Variants in SBF2 observed in about 807,000 individuals in gnomAD.
SBF2 encodes myotubularin-related protein 13.
SBF2 carries 112 observed loss-of-function variants against 225.2 expected under a neutral mutation model. That is an observed-to-expected ratio of 0.50 (90% CI 0.43 to 0.58). SBF2 has a LOEUF of 0.58. Ranked by LOEUF, SBF2 falls within the 20% of genes least tolerant of loss-of-function variation. SBF2 has a pLI of 0.00. For missense variants in SBF2, 1,996 were observed against 2,206.2 expected (o/e 0.90, Z 1.91); for synonymous variants, 763 against 773.3 (o/e 0.99, Z 0.22).
intron 1 of SBF2, among the ~76,000 whole-genome samples, chr11:10,239,496 A>C (rs926076963): frequency 3.3e-5 from 5 of 150,740 alleles, no homozygotes; most frequent in African/African-American, 1.2e-4. Context: ...TTTGGTGCCT[A>C]ATACTCTACT....
At chr11:9,847,518 C>CCA (rs1856634446) in intron 22 of SBF2, among the ~76,000 whole-genome samples, 1 of 137,356 alleles carries the variant, frequency 7.3e-6, no homozygotes, top group Non-Finnish European at 1.6e-5. Flanking sequence ...GGAGGTTTTA[C>CCA]AAAAAAAAAA....
intron 24 of SBF2, among the ~76,000 whole-genome samples, chr11:9,843,372 G>A (rs551776152): frequency 6.6e-6 from 1 of 152,184 alleles, no homozygotes; most frequent in Admixed American, 6.5e-5. Flanking sequence ...AGAAAAATAA[G>A]AAATCAGAAA....
chr11:9,842,324 T>C (rs1383426124), intron 25 of SBF2, among the ~76,000 whole-genome samples: 1 of 152,248 alleles, frequency 6.6e-6, no homozygotes. Context: ...AGGGGACTAC[T>C]CTATACCTAA....
At chr11:9,883,065 C>T (rs1346767348) in intron 17 of SBF2, among the ~76,000 whole-genome samples, 5 of 151,788 alleles carry the variant, frequency 3.3e-5, no homozygotes, top group Non-Finnish European at 5.9e-5. Context: ...ACTCAGGAAG[C>T]GGAGGTTGCA....
chr11:9,785,358 CACTT>C lies in SBF2; in HGVS notation c.5038-44_5038-41del. On this transcript the variant is annotated intron_variant, in intron 36 of 39. Coordinates refer to ENST00000256190, the MANE Select transcript of SBF2 (RefSeq NM_030962.4). ...ACAGGAGCTAGGAAACCTTTACAGA[CACTT>C]AAACTACTGACTGGAAAATTTCATT... The C allele has an allele frequency of 3.3e-6, 5 of 1,512,188 alleles. No individual in the cohort carries two copies. The Admixed American group carries it at 5.4e-5, about 16-fold the overall frequency. The allele number at this position is 1,512,188 out of a possible 1,614,324, so 93.7% of individuals were successfully genotyped here. A position where few individuals can be genotyped will look rare whatever the true frequency, so the allele number is the denominator to read the frequency against.
At chr11:10,037,498 C>G (rs1949486086) in intron 3 of SBF2, among the ~76,000 whole-genome samples, 1 of 151,998 alleles carries the variant, frequency 6.6e-6, no homozygotes, top group South Asian at 2.1e-4. Flanking sequence ...GGACTAAACC[C>G]TTCTTGAAGG....
intron 1 of SBF2, among the ~76,000 whole-genome samples, chr11:10,282,326 G>A (rs1396444549): frequency 6.6e-6 from 1 of 151,990 alleles, no homozygotes; most frequent in Non-Finnish European, 1.5e-5. Context: ...ACAATTCTGA[G>A]GCCACTCTTT....
intron 17 of SBF2, among the ~76,000 whole-genome samples, chr11:9,873,144 T>C (rs902627113): frequency 7.2e-6 from 1 of 138,550 alleles, no homozygotes; most frequent in African/African-American, 2.7e-5. Flanking sequence ...AGGTGCAGGT[T>C]GCAGTGAGCC....
chr11:10,113,221 T>C (rs1404341251), intron 2 of SBF2, among the ~76,000 whole-genome samples: 1 of 152,162 alleles, frequency 6.6e-6, no homozygotes, highest in Non-Finnish European at 1.5e-5. Context: ...CTCAAACCCC[T>C]GGGCTCAAGC....
intron 28 of SBF2, among the ~76,000 whole-genome samples, chr11:9,822,539 C>T (rs1397648545): frequency 6.6e-6 from 1 of 152,148 alleles, no homozygotes; most frequent in Non-Finnish European, 1.5e-5. Flanking sequence ...GGATTACAGG[C>T]GTGAGCCACC....
Position 10,008,537 on chromosome 11 carries a change from G to A in SBF2, c.620-5848C>T, listed in dbSNP as rs76828283. 2.4e-4 allele frequency among the ~76,000 whole-genome samples: 37 copies of A among 152,338 alleles called. No individual in the cohort carries two copies. In the East Asian group the frequency reaches 6.7e-3, roughly 28 times the overall value. ...AAAGTGGCAGCTCCAACTATTGGCT[G>A]TCTTACAAGTCCACCAGCTCCCTCC... is the stretch of plus-strand genomic sequence containing the variant. On this transcript the variant is annotated intron_variant, in intron 6 of 39. Transcript: ENST00000256190.
chr11:9,845,217 A>G lies in SBF2; in HGVS notation c.3110+348T>C, dbSNP rs566041569. 3.9e-5 allele frequency among the ~76,000 whole-genome samples: 6 copies of G among 152,316 alleles called. No individual in the cohort carries two copies. The South Asian group carries it at 1.2e-3, about 32-fold the overall frequency. On this transcript the variant is annotated intron_variant, in intron 24 of 39. Coordinates refer to ENST00000256190, the MANE Select transcript of SBF2 (RefSeq NM_030962.4). Reference sequence around the variant, plus strand: ...AGCCTCCTGTTTCTAGATAAAAGCAAATCTGTCCACTGGGCCTGGATATTA... The same window carrying G: ...AGCCTCCTGTTTCTAGATAAAAGCAGATCTGTCCACTGGGCCTGGATATTA...
In SBF2 at chr11:10,044,320, G is replaced by T. The variant is rs574632594; in HGVS notation, c.142-1339C>A. On this transcript the variant is annotated intron_variant, in intron 2 of 39. Coordinates refer to ENST00000256190, the MANE Select transcript of SBF2 (RefSeq NM_030962.4). The stretch of plus-strand genomic sequence containing the variant: ...GATATCAGTACAGATTGTTCTGGGC[G>T]GGAGACCCGCAAGAGGAGAAGAAAA... Among the ~76,000 whole-genome samples, 15 of 151,736 alleles carry T rather than the reference G, an allele frequency of 9.9e-5. No individual in the cohort carries two copies. In the South Asian group the frequency reaches 1.2e-3, roughly 13 times the overall value.
At chr11:10,259,196 T>A (rs986101201) in intron 1 of SBF2, among the ~76,000 whole-genome samples, 7 of 152,184 alleles carry the variant, frequency 4.6e-5, no homozygotes, top group African/African-American at 4.8e-5. Context: ...AAGTCAGGTG[T>A]TAAGAGCACA....
chr11:10,131,816 T>C (rs546384605), intron 2 of SBF2, among the ~76,000 whole-genome samples: 1 of 152,308 alleles, frequency 6.6e-6, no homozygotes, highest in Non-Finnish European at 1.5e-5. Context: ...CCTAGTCTTT[T>C]CATTCTCATT....
chr11:9,850,036 G>C lies in SBF2; in HGVS notation c.2793C>G (p.Pro931=), dbSNP rs754650675. 1 of 1,613,932 alleles carries C rather than the reference G, an allele frequency of 6.2e-7. No homozygotes were observed. Among genetic ancestry groups the C allele is most frequent in the Admixed American group, 1.7e-5 (1 of 60,008 alleles). Reference sequence around the variant, plus strand: ...ATCGAGTCATACCTAACTGATCATGGGGTGTTCCTCTGAAGAGAATTCTGT... The same window carrying C: ...ATCGAGTCATACCTAACTGATCATGCGGTGTTCCTCTGAAGAGAATTCTGT... ...TTYRILFRGT[P]HDQLVGEQTV... Residue 931 remains proline, a synonymous_variant, in exon 22 of 40, where the codon CCC becomes CCG. Transcript: ENST00000256190.
chr11:9,785,079 G>T, intron 37 of SBF2, 46 bp downstream of exon 37: 1 of 1,560,208 alleles, frequency 6.4e-7, no homozygotes, highest in Non-Finnish European at 8.8e-7. Context: ...AGCCTCAGGT[G>T]CTGTGGGGAA....
intron 2 of SBF2, among the ~76,000 whole-genome samples, chr11:10,094,941 T>G (rs954685208): frequency 5.9e-5 from 9 of 151,876 alleles, no homozygotes; most frequent in African/African-American, 2.2e-4. Flanking sequence ...CACAATCACA[T>G]TTTTAAACAG....
intron 1 of SBF2, among the ~76,000 whole-genome samples, chr11:10,203,049 TG>T (rs1242695233): frequency 3.2e-5 from 1 of 31,092 alleles, no homozygotes; most frequent in Non-Finnish European, 7.0e-5. Flanking sequence ...TTAGCTGGGG[TG>T]GGGGGGTGAG....
Sources: allele counts gnomAD v4.1 joint callset (sites outside exome capture counted in the v4.1 genomes callset), GRCh38; gene constraint gnomAD v4.1.1; transcripts MANE v1.5; gene names NCBI Gene and HGNC (gene_info 2026-07-23, HGNC 2026-07-21).